Variants in ZFHX3 observed in about 807,000 individuals in gnomAD.
ZFHX3 encodes zinc finger homeobox protein 3.
A neutral mutation model predicts 279.1 loss-of-function variants in ZFHX3; 42 were observed. The observed-to-expected ratio is 0.15, with a 90% CI of 0.12 to 0.19. ZFHX3 has a LOEUF of 0.19. Ranked by LOEUF, ZFHX3 falls within the 10% of genes least tolerant of loss-of-function variation. ZFHX3 has a pLI of 1.00. For missense variants in ZFHX3, 4,981 were observed against 4,754.0 expected (o/e 1.05, Z -1.40); for synonymous variants, 2,293 against 1,957.8 (o/e 1.17, Z -4.52).
intron 2 of ZFHX3, among the ~76,000 whole-genome samples, chr16:73,569,074 G>A (rs2020493271): frequency 6.6e-6 from 1 of 152,166 alleles, no homozygotes; most frequent in African/African-American, 2.4e-5. Flanking sequence ...TGTGGAAGGG[G>A]AATAGAGAGA....
intron 7 of ZFHX3, among the ~76,000 whole-genome samples, chr16:73,129,904 TA>T (rs1966646130): frequency 1.3e-5 from 2 of 152,012 alleles, no homozygotes; most frequent in Admixed American, 6.5e-5. Context: ...AATATGGTTT[TA>T]ATTAACCATC....
intron 3 of ZFHX3, among the ~76,000 whole-genome samples, chr16:73,390,273 T>A (rs889868184): frequency 1.3e-5 from 2 of 152,074 alleles, no homozygotes; most frequent in Non-Finnish European, 1.5e-5. Flanking sequence ...ACTGTGAAGA[T>A]ATCAGGTGCT....
chr16:73,581,816 T>C (rs2051864890), intron 2 of ZFHX3, among the ~76,000 whole-genome samples: 1 of 151,364 alleles, frequency 6.6e-6, no homozygotes, highest in Admixed American at 6.6e-5. Flanking sequence ...ACTATAGGCA[T>C]GTGCCACCAC....
chr16:73,755,146 G>A (rs139856504), intron 1 of ZFHX3, among the ~76,000 whole-genome samples: 25 of 152,116 alleles, frequency 1.6e-4, no homozygotes, highest in Non-Finnish European at 3.1e-4. Context: ...TTTAGATCCC[G>A]CTTGCTTAAC....
At chr16:73,401,369 A>ACACAC (rs35247550) in intron 3 of ZFHX3, 10,588 of 64,376 alleles carry the variant, frequency 0.16, 610 homozygotes, top group Middle Eastern at 0.24. Context: ...AACAAAAAAC[A>ACACAC]AAACACACAC....
intron 2 of ZFHX3, among the ~76,000 whole-genome samples, chr16:73,514,305 G>A (rs1309586278): frequency 6.6e-6 from 1 of 152,108 alleles, no homozygotes; most frequent in Non-Finnish European, 1.5e-5. Flanking sequence ...AGTGAAGGAT[G>A]AGTCTGTATT....
chr16:72,935,335 CAA>C (rs71792863), intron 3 of ZFHX3, among the ~76,000 whole-genome samples: 14,618 of 152,104 alleles, frequency 0.096, 882 homozygotes, highest in African/African-American at 0.17. Context: ...ATCATTCAGA[CAA>C]AGACGCTCGC....
intron 8 of ZFHX3, among the ~76,000 whole-genome samples, chr16:73,077,276 C>G (rs1281788532): frequency 1.3e-5 from 2 of 152,122 alleles, no homozygotes; most frequent in Non-Finnish European, 2.9e-5. Context: ...GGAAATAAAT[C>G]AGTTTGACAG....
At chr16:73,567,846 A>C (rs2020472321) in intron 2 of ZFHX3, among the ~76,000 whole-genome samples, 1 of 151,228 alleles carries the variant, frequency 6.6e-6, no homozygotes, top group South Asian at 2.1e-4. Flanking sequence ...TCTTTGTTTC[A>C]GTGAAAAATG....
chr16:72,897,502 C>T (rs943274587), intron 3 of ZFHX3, among the ~76,000 whole-genome samples: 1 of 151,984 alleles, frequency 6.6e-6, no homozygotes, highest in South Asian at 2.1e-4. Flanking sequence ...TGCAGTGGTG[C>T]GATCATGGCT....
At chr16:73,318,618 G>A (rs945652589) in intron 3 of ZFHX3, among the ~76,000 whole-genome samples, 8 of 151,892 alleles carry the variant, frequency 5.3e-5, no homozygotes, top group African/African-American at 1.5e-4. Flanking sequence ...TCCTGCTGCC[G>A]ACAATTAAGA....
chr16:73,459,662 C>T (rs4586451), intron 2 of ZFHX3, among the ~76,000 whole-genome samples: 54 of 152,222 alleles, frequency 3.5e-4, no homozygotes, highest in East Asian at 5.8e-4. Flanking sequence ...GCCACCACGC[C>T]CAGCCAGGAA....
intron 4 of ZFHX3, among the ~76,000 whole-genome samples, chr16:73,304,716 C>T (rs1334544728): frequency 6.6e-6 from 1 of 152,104 alleles, no homozygotes; most frequent in Non-Finnish European, 1.5e-5. Context: ...AATCAAACTG[C>T]ACTAAATATG....
chr16:73,226,841 A>C (rs750200699), intron 5 of ZFHX3, among the ~76,000 whole-genome samples: 6 of 152,310 alleles, frequency 3.9e-5, no homozygotes, highest in Admixed American at 6.5e-5. Flanking sequence ...GAAGCAGAGG[A>C]GGGATCTTCT....
At chr16:73,111,217 A>C in intron 7 of ZFHX3, among the ~76,000 whole-genome samples, 1 of 152,194 alleles carries the variant, frequency 6.6e-6, no homozygotes, top group East Asian at 1.9e-4. Context: ...TTGGGATTAC[A>C]GGCGTGAGCC....
At chr16:72,930,899 C>T (rs947566474) in intron 3 of ZFHX3, among the ~76,000 whole-genome samples, 7 of 152,134 alleles carry the variant, frequency 4.6e-5, no homozygotes, top group Admixed American at 3.9e-4. Flanking sequence ...ACATCCTGGA[C>T]GTTACAATAT....
chr16:73,171,585 G>C (rs1967526139), intron 5 of ZFHX3, among the ~76,000 whole-genome samples: 1 of 152,156 alleles, frequency 6.6e-6, no homozygotes, highest in Non-Finnish European at 1.5e-5. Context: ...CTGCAGCGCA[G>C]GCAGGTACAC....
At chr16:73,757,520 TG>T (rs1280763934) in intron 1 of ZFHX3, among the ~76,000 whole-genome samples, 2 of 152,178 alleles carry the variant, frequency 1.3e-5, no homozygotes, top group African/African-American at 2.4e-5. Context: ...CAGTAGGGAA[TG>T]TTTTTTTTTA....
At chr16:73,569,396 T>A (rs1300929948) in intron 2 of ZFHX3, among the ~76,000 whole-genome samples, 1 of 151,752 alleles carries the variant, frequency 6.6e-6, no homozygotes, top group Non-Finnish European at 1.5e-5. Flanking sequence ...TTTTTTTTTT[T>A]AATTTCTCTC....
Sources: allele counts gnomAD v4.1 joint callset (sites outside exome capture counted in the v4.1 genomes callset), GRCh38; gene constraint gnomAD v4.1.1; transcripts MANE v1.5; gene names NCBI Gene and HGNC (gene_info 2026-07-23, HGNC 2026-07-21).